The following CACNA1E variants were observed in gnomAD, a reference collection of about 807,000 sequenced individuals.
CACNA1E encodes calcium voltage-gated channel subunit alpha1 E, also known as voltage-dependent R-type calcium channel subunit alpha-1E.
CACNA1E carries 40 observed loss-of-function variants against 259.2 expected under a neutral mutation model. The observed-to-expected ratio is 0.15, with a 90% confidence interval of 0.12 to 0.20. CACNA1E has a LOEUF of 0.20. CACNA1E is among the 10% of genes least tolerant of loss of function. The pLI, the probability that CACNA1E is intolerant of heterozygous loss-of-function variation, is 1.00. For missense variants in CACNA1E, 1,874 were observed against 3,040.1 expected, an observed-to-expected ratio of 0.62 and a Z score of 9.02; for synonymous variants, 1,104 against 1,138.5, an observed-to-expected ratio of 0.97 and a Z score of 0.61.
intron 1 of CACNA1E, among the ~76,000 whole-genome samples, chr1:181,331,617 C>T (rs760620163): frequency 1.3e-5 from 2 of 152,204 alleles, no homozygotes; most frequent in Non-Finnish European, 2.9e-5. Context: ...CCTTTGGAAA[C>T]ACCGTTAAGA....
At chr1:181,427,852 T>C (rs1659415629) in intron 2 of CACNA1E, among the ~76,000 whole-genome samples, 1 of 151,280 alleles carries the variant, frequency 6.6e-6, no homozygotes. Flanking sequence ...ATATAGGTCT[T>C]TGTTTTGCTC....
intron 26 of CACNA1E, among the ~76,000 whole-genome samples, chr1:181,751,676 G>T (rs1558345330): frequency 6.6e-6 from 1 of 152,184 alleles, no homozygotes. Context: ...TCAATTCAGC[G>T]AATATCATTT....
At position 181,644,575 on chromosome 1, in the gene CACNA1E, A is replaced by T. The variant is rs578174888; in HGVS notation, c.952-6763A>T. Among the ~76,000 whole-genome samples the T allele has an allele frequency of 1.4e-4, 22 of 152,310 alleles. No individual in the cohort carries two copies. The South Asian group carries it at 4.6e-3, about 32-fold the overall frequency. On this transcript the variant is annotated intron_variant, in intron 6 of 47. Transcript: ENST00000367573. ...AAACACCATCCAACTGGTGTGACTC[A>T]GGGGAGGGGTGTTGCCAGCTTTGTA...
intron 3 of CACNA1E, among the ~76,000 whole-genome samples, chr1:181,552,616 G>C (rs1337873275): frequency 6.6e-6 from 1 of 151,938 alleles, no homozygotes; most frequent in African/African-American, 2.4e-5. Context: ...TATGAATAAA[G>C]CTGCTCTAAA....
intron 1 of CACNA1E, among the ~76,000 whole-genome samples, chr1:181,397,625 C>T (rs925176224): frequency 2.6e-5 from 4 of 152,120 alleles, no homozygotes; most frequent in Admixed American, 2.0e-4. Flanking sequence ...CCTCTCATCA[C>T]GTCACTAGGA....
rs1651763940 is a variant in CACNA1E, at chr1:181,583,539, G to GGCTCA, written c.951+2765_951+2769dup. On this transcript the variant is annotated intron_variant, in intron 6 of 47. Coordinates refer to ENST00000367573, the MANE Select transcript of CACNA1E (RefSeq NM_001205293.3). ...GTAGGAAGAAGCTCTCAAGCATGTG[G>GGCTCA]GCTCAGTTTAACCTTTTTATATGCA... 2.6e-5 allele frequency among the ~76,000 whole-genome samples: 4 copies of GGCTCA among 152,144 alleles called. No individual in the cohort carries two copies. The South Asian group carries it at 8.3e-4, about 32-fold the overall frequency.
intron 2 of CACNA1E, among the ~76,000 whole-genome samples, chr1:181,426,775 C>G (rs541700018): frequency 6.6e-6 from 1 of 150,536 alleles, no homozygotes; most frequent in African/African-American, 2.4e-5. Context: ...CAATCTCAAC[C>G]CCTTCACAAC....
chr1:181,382,576 A>G (rs992866380), intron 1 of CACNA1E, among the ~76,000 whole-genome samples: 1 of 152,180 alleles, frequency 6.6e-6, no homozygotes. Flanking sequence ...TTGATGACCA[A>G]ATCATTTGGG....
At chr1:181,683,687 G>A (rs777754850) in intron 7 of CACNA1E, among the ~76,000 whole-genome samples, 2 of 152,186 alleles carry the variant, frequency 1.3e-5, no homozygotes, top group Admixed American at 6.5e-5. Context: ...AGAACATGCA[G>A]TATTTGGTTT....
At position 181,796,808 on chromosome 1, in the gene CACNA1E, C is replaced by T. The variant is rs751935827; in HGVS notation, c.6349C>T (p.Arg2117Cys). ...TQADWESPER[R>C]QSRSPSEGRS... ...GGCTGACTGGGAGTCCCCAGAGCGC[C>T]GTCAATCCAGGTCACCCAGTGAGGG... The change falls in exon 47 of 48, where the codon CGT becomes TGT. Residue 2117 changes from arginine (R) to cysteine (C), a missense_variant. Arg to Cys is a radical substitution (Grantham distance 180, BLOSUM62 -3). Coordinates refer to ENST00000367573, the MANE Select transcript of CACNA1E (RefSeq NM_001205293.3). 9 of 1,610,046 alleles carry T rather than the reference C, an allele frequency of 5.6e-6. No homozygotes were observed. Among genetic ancestry groups the T allele is most frequent in the East Asian group, 2.2e-5 (1 of 44,720 alleles).
At chr1:181,736,509 G>A (rs1656047028) in intron 22 of CACNA1E, 75 bp downstream of exon 22, 8 of 1,355,136 alleles carry the variant, frequency 5.9e-6, no homozygotes, top group Non-Finnish European at 7.1e-6. Context: ...AGGGTGAAGG[G>A]GAGAGGAAGG....
chr1:181,493,143 C>A (rs958587634), intron 1 of CACNA1E, among the ~76,000 whole-genome samples: 4 of 152,174 alleles, frequency 2.6e-5, no homozygotes, highest in African/African-American at 9.7e-5. Flanking sequence ...AATACACATA[C>A]AATTTTGCAT....
At chr1:181,766,927 T>A (rs754431411) in intron 35 of CACNA1E, among the ~76,000 whole-genome samples, 10 of 152,328 alleles carry the variant, frequency 6.6e-5, no homozygotes, top group South Asian at 2.1e-4. Context: ...ACCATTGTTC[T>A]TAGCCAGAAA....
At chr1:181,650,916 A>G (rs1658698621) in intron 6 of CACNA1E, among the ~76,000 whole-genome samples, 1 of 152,224 alleles carries the variant, frequency 6.6e-6, no homozygotes, top group African/African-American at 2.4e-5. Context: ...AACCCTGTCA[A>G]GGCCTTTGCT....
chr1:181,602,060 T>C (rs1483653591), intron 6 of CACNA1E, among the ~76,000 whole-genome samples: 1 of 152,216 alleles, frequency 6.6e-6, no homozygotes, highest in Non-Finnish European at 1.5e-5. Flanking sequence ...GTGAGTTCTT[T>C]CCTGACCATC....
At chr1:181,783,658 T>C in intron 39 of CACNA1E, 21 bp from the exon 40 acceptor site, 1 of 1,463,328 alleles carries the variant, frequency 6.8e-7, no homozygotes, top group Non-Finnish European at 9.4e-7. Flanking sequence ...GCCTGCTGTT[T>C]CTTTTTTCTC....
chr1:181,410,511 G>T lies in CACNA1E; in HGVS notation c.-14-2622G>T, dbSNP rs565575285. On this transcript the variant is annotated intron_variant, in intron 1 of 11. Transcript: ENST00000524607. ...GGACGAATAGAGAAGGTATCTTAGGGCTCCAGGGGCGTCCGAGTCTACTGA... is the reference window on the plus strand; with the variant it reads ...GGACGAATAGAGAAGGTATCTTAGGTCTCCAGGGGCGTCCGAGTCTACTGA... 2.0e-5 allele frequency among the ~76,000 whole-genome samples: 3 copies of T among 152,268 alleles called. No homozygotes were observed. In the South Asian group the frequency reaches 6.2e-4, roughly 32 times the overall value.
At chr1:181,600,207 C>T (rs566428037) in intron 6 of CACNA1E, among the ~76,000 whole-genome samples, 6 of 152,090 alleles carry the variant, frequency 3.9e-5, no homozygotes, top group South Asian at 2.1e-4. Context: ...GGTTGCTTGG[C>T]AGGTTCAGGG....
At chr1:181,690,758 C>T (rs1651069437) in intron 7 of CACNA1E, among the ~76,000 whole-genome samples, 1 of 152,082 alleles carries the variant, frequency 6.6e-6, no homozygotes, top group African/African-American at 2.4e-5. Context: ...GGAGGTCACT[C>T]ATGATTTGGC....
Sources: gnomAD v4.1 joint callset for allele counts (sites outside exome capture counted in the v4.1 genomes callset) on GRCh38, gnomAD v4.1.1 for gene constraint, MANE v1.5 for transcripts, NCBI Gene and HGNC (gene_info 2026-07-23, HGNC 2026-07-21) for gene names.